The following MROH2B variants were observed in gnomAD, a reference collection of about 807,000 sequenced individuals.
The protein encoded by MROH2B is maestro heat like repeat family member 2B.
MROH2B carries 177 observed loss-of-function variants against 208.6 expected under a neutral mutation model. That is an observed-to-expected ratio of 0.85 (90% CI 0.75 to 0.96). The LOEUF (loss-of-function observed/expected upper bound fraction) is 0.96. MROH2B is among the 40% of genes least tolerant of loss of function. The pLI is 0.00. For missense variants in MROH2B, 2,002 were observed against 1,878.7 expected, an observed-to-expected ratio of 1.07 and a Z score of -1.21; for synonymous variants, 728 against 659.0, an observed-to-expected ratio of 1.10 and a Z score of -1.60.
intron 18 of MROH2B, among the ~76,000 whole-genome samples, chr5:41,045,005 C>A (rs1213508707): frequency 6.6e-6 from 1 of 151,918 alleles, no homozygotes; most frequent in Non-Finnish European, 1.5e-5. Flanking sequence ...TGGTGAGAAT[C>A]CAGAGAGATA....
intron 5 of MROH2B, among the ~76,000 whole-genome samples, 167 bp downstream of exon 5, chr5:41,064,305 T>C (rs1465351281): frequency 6.6e-6 from 1 of 152,238 alleles, no homozygotes; most frequent in Non-Finnish European, 1.5e-5. Context: ...TTGAATGAGA[T>C]AACTCCCTGC....
intron 37 of MROH2B, among the ~76,000 whole-genome samples, chr5:41,002,166 T>G (rs772891830): frequency 6.6e-6 from 1 of 152,114 alleles, no homozygotes; most frequent in Non-Finnish European, 1.5e-5. Flanking sequence ...AGACATTTAG[T>G]TAAAAAAGCT....
chr5:41,052,587 C>A lies in MROH2B; in HGVS notation c.1108G>T (p.Val370Leu). ...ATGAGGAGAAGAACAGAATTTCTTA[C>A]CTAGGGTAAGAACAATGCAATAGCA... ...KIVMGDLSTK[V>L]RNSVLLLIQT... Residue 370 changes from valine to leucine, a missense_variant and splice_region_variant, in exon 12 of 42, where the codon GTA becomes TTA. By Grantham distance (32) the Val-to-Leu change is conservative. Transcript: ENST00000399564. 1 of 1,608,672 alleles carries A rather than the reference C, an allele frequency of 6.2e-7. No homozygotes were observed. The highest frequency in any genetic ancestry group is 2.2e-5 in the East Asian group (1 of 44,636).
At chr5:41,003,014 G>T (rs929352647) in intron 37 of MROH2B, among the ~76,000 whole-genome samples, 1 of 149,314 alleles carries the variant, frequency 6.7e-6, no homozygotes, top group Non-Finnish European at 1.5e-5. Flanking sequence ...AGGCTGGAGT[G>T]CAGTGGCATG....
chr5:41,009,838 C>A, intron 31 of MROH2B, 84 bp downstream of exon 31: 1 of 1,367,156 alleles, frequency 7.3e-7, no homozygotes, highest in Non-Finnish European at 9.9e-7. Flanking sequence ...TGTTTGCTAT[C>A]TTGCTCTCAA....
chr5:41,021,990 G>A (rs1367897576), intron 24 of MROH2B, among the ~76,000 whole-genome samples: 2 of 152,132 alleles, frequency 1.3e-5, no homozygotes, highest in African/African-American at 4.8e-5. Flanking sequence ...ATGGGGAAAG[G>A]ACAATTTTTT....
chr5:41,031,175 G>A lies in MROH2B; in HGVS notation c.2441+1567C>T, dbSNP rs192944382. 6.6e-5 allele frequency among the ~76,000 whole-genome samples: 10 copies of A among 152,236 alleles called. No individual in the cohort carries two copies. In the East Asian group the frequency reaches 1.9e-3, roughly 29 times the overall value. On this transcript the variant is annotated intron_variant, in intron 24 of 41. Transcript: ENST00000399564. ...GTTTAATTGACTCACAGTTCCACAT[G>A]GCTCAGGAAGCCTCAGGAAACTTAC... is the stretch of plus-strand genomic sequence containing the variant.
chr5:41,050,688 A>G lies in MROH2B; in HGVS notation c.1344+289T>C, dbSNP rs577110438. Among the ~76,000 whole-genome samples, 15 of 152,302 alleles carry G rather than the reference A, an allele frequency of 9.8e-5. No homozygotes were observed. The East Asian group carries it at 2.7e-3, about 27-fold the overall frequency. ...TGGCATTGGTTGCTTTAAAACCACT[A>G]CTTAATATTACTGTATGCATTAGAG... On this transcript the variant is annotated intron_variant, in intron 13 of 41. Transcript: ENST00000399564.
At chr5:41,047,492 T>C (rs1452574651) in intron 17 of MROH2B, among the ~76,000 whole-genome samples, 1 of 152,176 alleles carries the variant, frequency 6.6e-6, no homozygotes, top group East Asian at 1.9e-4. Context: ...AAGTAAAATC[T>C]TCAAAACTGT....
Position 41,045,858 on chromosome 5 carries a change from T to C in MROH2B, c.1729-5A>G. 1 of 1,605,184 alleles carries C rather than the reference T, an allele frequency of 6.2e-7. No homozygotes were observed. Among genetic ancestry groups the C allele is most frequent in the South Asian group, 1.1e-5 (1 of 89,762 alleles). On this transcript the variant is annotated splice_polypyrimidine_tract_variant and splice_region_variant and intron_variant, in intron 17 of 41. Coordinates refer to ENST00000399564, the MANE Select transcript of MROH2B (RefSeq NM_173489.5). ...CCATAAGGATTCTTTGAGCAACTGT[T>C]GTAGGAAGTGGAAGTTAGATGTGAA...
intron 15 of MROH2B, among the ~76,000 whole-genome samples, 173 bp from the exon 16 acceptor site, chr5:41,048,638 C>T (rs1743195905): frequency 6.6e-6 from 1 of 152,148 alleles, no homozygotes; most frequent in Non-Finnish European, 1.5e-5. Flanking sequence ...ACTTAGATAG[C>T]CCTTCTCCCA....
In MROH2B at chr5:41,004,600, G is replaced by A. The variant is rs1243881897; in HGVS notation, c.4012-72C>T. ...ATCTGGAAGAGGGTAGGAGTCCTCAGACAAGAGGACTGAAATTTTGTCAGG... is the reference window on the plus strand; with the variant it reads ...ATCTGGAAGAGGGTAGGAGTCCTCAAACAAGAGGACTGAAATTTTGTCAGG... On this transcript the variant is annotated intron_variant, in intron 36 of 41. Transcript: ENST00000399564. 1.1e-5 allele frequency: 17 copies of A among 1,519,190 alleles called. No individual in the cohort carries two copies. The African/African-American group carries it at 1.8e-4, about 16-fold the overall frequency. 94.1% of individuals were successfully genotyped at this position (1,519,190 alleles called of 1,614,324 possible).
At position 41,061,727 on chromosome 5, in the gene MROH2B, G is replaced by A. The variant is rs75087194; in HGVS notation, c.461-3C>T. 1,138 of 1,613,034 alleles carry A rather than the reference G, an allele frequency of 7.1e-4. 19 individuals are homozygous for A. In the East Asian group the frequency reaches 0.023, roughly 33 times the overall value. ...GGCTTTGCTGAATTTCTCAAGGGCT[G>A]CATTTAAAACACACAACCACAGACT... On this transcript the variant is annotated splice_polypyrimidine_tract_variant and splice_region_variant and intron_variant, in intron 5 of 41. Coordinates refer to ENST00000399564, the MANE Select transcript of MROH2B (RefSeq NM_173489.5).
chr5:41,022,863 G>A (rs1245050893), intron 24 of MROH2B, among the ~76,000 whole-genome samples: 1 of 152,140 alleles, frequency 6.6e-6, no homozygotes, highest in African/African-American at 2.4e-5. Context: ...GGAACCATGA[G>A]GCAGCAACAT....
chr5:40,999,733 A>G lies in MROH2B; in HGVS notation c.4529T>C (p.Phe1510Ser), dbSNP rs761121591. ...EILWILHTHS[F>S]TFFTSTWEVI... ...CTCCCAGGTGCTGGTGAAGAAGGTG[A>G]AGGAGTGTGTGTGGAGGATCCACAG... The change falls in exon 40 of 42, where the codon TTC becomes TCC. Residue 1510 changes from phenylalanine to serine, a missense_variant. Transcript: ENST00000399564. The G allele has an allele frequency of 6.2e-7, 1 of 1,613,694 alleles. No individual in the cohort carries two copies. The highest frequency in any genetic ancestry group is 2.2e-5 in the East Asian group (1 of 44,870).
At position 41,070,895 on chromosome 5, in the gene MROH2B, T is replaced by C. The variant is rs377266860; in HGVS notation, c.-43A>G. 1.0e-5 allele frequency: 16 copies of C among 1,596,888 alleles called. No individual in the cohort carries two copies. The highest frequency in any genetic ancestry group is 9.4e-6 in the Non-Finnish European group (11 of 1,169,174). ...GTCTCTAAAAGATAGCACCTAAGTA[T>C]TAGAAATAGTAAGGCTAAAAAATCA... On this transcript the variant is annotated 5_prime_UTR_variant, in exon 1 of 42. Transcript: ENST00000399564.
intron 30 of MROH2B, among the ~76,000 whole-genome samples, chr5:41,011,593 A>G (rs1012226837): frequency 6.6e-6 from 1 of 152,142 alleles, no homozygotes; most frequent in African/African-American, 2.4e-5. Flanking sequence ...AGGGTAGTTG[A>G]CTGGACTATA....
rs776536771 is a variant in MROH2B at position 41,039,529 on chromosome 5, A to C, written c.1980T>G (p.Cys660Trp). ...RQGITSILGY[C>W]AENHLDIVLK... ...AAACAATATCCAAATGGTTCTCGGC[A>C]CAGTATCCTAAAATAGATGTTATTC... Residue 660 changes from cysteine (C) to tryptophan (W), a missense_variant, in exon 20 of 42, where the codon TGT becomes TGG. Physicochemically the swap from Cys to Trp is radical, Grantham distance 215. Transcript: ENST00000399564. The C allele has an allele frequency of 1.1e-5, 18 of 1,604,030 alleles. No individual in the cohort carries two copies. The East Asian group carries it at 3.8e-4, about 34-fold the overall frequency.
In MROH2B at chr5:41,028,686, C is replaced by T. The variant is rs557792045; in HGVS notation, c.2441+4056G>A. ...AATATTCCATTGTGGGTATAAATAT[C>T]ACAATGTCTTTATCCATTCATTCAT... On this transcript the variant is annotated intron_variant, in intron 24 of 41. Transcript: ENST00000399564. Among the ~76,000 whole-genome samples, 175 of 152,266 alleles carry T rather than the reference C, an allele frequency of 1.1e-3. 1 individual carries two copies. The highest frequency in any genetic ancestry group is 4.1e-3 in the African/African-American group (171 of 41,540).
Sources: allele counts gnomAD v4.1 joint callset (sites outside exome capture counted in the v4.1 genomes callset), GRCh38; gene constraint gnomAD v4.1.1; transcripts MANE v1.5; gene names NCBI Gene and HGNC (gene_info 2026-07-23, HGNC 2026-07-21).